The following MVB12B variants were observed in gnomAD, a reference collection of about 807,000 sequenced individuals.
The protein encoded by MVB12B is multivesicular body subunit 12B.
MVB12B carries 16 observed loss-of-function variants against 41.6 expected under a neutral mutation model. That is an observed-to-expected ratio of 0.38 (90% CI 0.26 to 0.58). MVB12B has a LOEUF of 0.58. Among genes scored for constraint, MVB12B ranks in the 20% least tolerant of loss-of-function variants. The pLI, the probability that MVB12B is intolerant of heterozygous loss-of-function variation, is 0.62. For synonymous variants in MVB12B, 133 were observed against 139.7 expected (o/e 0.95, Z 0.34); for missense variants, 274 against 380.2 (o/e 0.72, Z 2.32).
chr9:126,440,600 A>G (rs959967269), intron 7 of MVB12B, among the ~76,000 whole-genome samples: 1 of 152,204 alleles, frequency 6.6e-6, no homozygotes, highest in Non-Finnish European at 1.5e-5. Flanking sequence ...CACACGCGTG[A>G]AACAGTTGTT....
At position 126,433,504 on chromosome 9, in the gene MVB12B, A is replaced by T. The variant is rs114330146; in HGVS notation, c.757+11556A>T. On this transcript the variant is annotated intron_variant, in intron 7 of 9. Transcript: ENST00000361171. ...GCAGCCCAAGCCCATCGTTTCACTT[A>T]TTGGGTCTGACCCCCAAGTGTTCTT... 3.9e-3 allele frequency among the ~76,000 whole-genome samples: 598 copies of T among 152,080 alleles called. 5 individuals carry two copies. The highest frequency in any genetic ancestry group is 0.014 in the African/African-American group (572 of 41,484).
chr9:126,476,444 C>T (rs1833421429), intron 7 of MVB12B, among the ~76,000 whole-genome samples: 1 of 152,232 alleles, frequency 6.6e-6, no homozygotes, highest in South Asian at 2.1e-4. Flanking sequence ...GTGGGGTGAG[C>T]ACCCTGCCCG....
chr9:126,346,445 G>T (rs934319689), intron 2 of MVB12B, among the ~76,000 whole-genome samples: 4 of 152,144 alleles, frequency 2.6e-5, no homozygotes, highest in Non-Finnish European at 5.9e-5. Flanking sequence ...GTAGATGCTG[G>T]GGTTCTCTGC....
chr9:126,406,567 C>A (rs770049432), intron 6 of MVB12B, among the ~76,000 whole-genome samples: 14 of 152,284 alleles, frequency 9.2e-5, no homozygotes, highest in South Asian at 4.1e-4. Context: ...GCTAGCAGTG[C>A]CCATATGTTC....
intron 2 of MVB12B, among the ~76,000 whole-genome samples, chr9:126,355,770 T>A (rs1005027744): frequency 1.3e-5 from 2 of 152,240 alleles, no homozygotes. Flanking sequence ...GTTAGCAAAT[T>A]GTTGATTTTC....
intron 2 of MVB12B, among the ~76,000 whole-genome samples, chr9:126,371,342 C>T (rs914016076): frequency 3.9e-5 from 6 of 152,246 alleles, no homozygotes; most frequent in Admixed American, 6.5e-5. Flanking sequence ...GTACCTGCTG[C>T]GATGCGGCCA....
chr9:126,377,031 C>T (rs1394434142), intron 2 of MVB12B, among the ~76,000 whole-genome samples: 1 of 151,826 alleles, frequency 6.6e-6, no homozygotes, highest in African/African-American at 2.4e-5. Context: ...AAATCCCTTG[C>T]CCTCCGCCTT....
intron 6 of MVB12B, among the ~76,000 whole-genome samples, chr9:126,405,406 A>G (rs1831390317): frequency 6.6e-6 from 1 of 152,146 alleles, no homozygotes; most frequent in African/African-American, 2.4e-5. Flanking sequence ...TCTGTGTGTC[A>G]GAACAGATTT....
chr9:126,449,526 ATT>A (rs1465168652), intron 7 of MVB12B, among the ~76,000 whole-genome samples: 8 of 152,222 alleles, frequency 5.3e-5, no homozygotes, highest in African/African-American at 1.7e-4. Context: ...GCAGAGAGTC[ATT>A]CTTCATGGTT....
intron 7 of MVB12B, among the ~76,000 whole-genome samples, chr9:126,474,445 G>T (rs1564344258): frequency 6.6e-6 from 1 of 152,192 alleles, no homozygotes; most frequent in Non-Finnish European, 1.5e-5. Context: ...TAAGAATTAT[G>T]TTTTGCAAAC....
intron 7 of MVB12B, among the ~76,000 whole-genome samples, chr9:126,458,094 G>T (rs946661932): frequency 5.9e-5 from 9 of 152,142 alleles, no homozygotes; most frequent in Non-Finnish European, 8.8e-5. Context: ...ACTTTTGATT[G>T]TCAGGTCCCT....
At chr9:126,370,631 C>T (rs972323639) in intron 2 of MVB12B, among the ~76,000 whole-genome samples, 11 of 152,248 alleles carry the variant, frequency 7.2e-5, no homozygotes, top group Non-Finnish European at 1.5e-4. Flanking sequence ...ATCCACCCAC[C>T]TCGACCTCCC....
intron 3 of MVB12B, among the ~76,000 whole-genome samples, chr9:126,383,430 GTAA>G (rs1830687953): frequency 6.6e-6 from 1 of 152,142 alleles, no homozygotes; most frequent in African/African-American, 2.4e-5. Context: ...TGCATTACCT[GTAA>G]TAATAATGTA....
rs148568071 is a variant in MVB12B at position 126,398,310 on chromosome 9, C to T, written c.662+2613C>T. On this transcript the variant is annotated intron_variant, in intron 6 of 9. Coordinates refer to ENST00000361171, the MANE Select transcript of MVB12B (RefSeq NM_033446.3). The stretch of plus-strand genomic sequence containing the variant: ...GAATCCAGGCACGAATTCAGTTTCA[C>T]CATAAATGCGTCCCTGGCAACCCCT... 2.4e-4 allele frequency among the ~76,000 whole-genome samples: 36 copies of T among 152,146 alleles called. No homozygotes were observed. The East Asian group carries it at 6.4e-3, about 27-fold the overall frequency.
At chr9:126,359,220 T>C (rs889447923) in intron 2 of MVB12B, among the ~76,000 whole-genome samples, 2 of 152,170 alleles carry the variant, frequency 1.3e-5, no homozygotes, top group Admixed American at 6.5e-5. Flanking sequence ...TGATTGATTT[T>C]TGAGTGTTAA....
intron 6 of MVB12B, among the ~76,000 whole-genome samples, chr9:126,402,903 G>C (rs4837076): frequency 6.6e-6 from 1 of 152,094 alleles, no homozygotes; most frequent in Middle Eastern, 3.2e-3. Flanking sequence ...GAGCACGGAC[G>C]TCAGCACGGG....
chr9:126,472,580 C>G (rs1245759660), intron 7 of MVB12B, among the ~76,000 whole-genome samples: 1 of 151,972 alleles, frequency 6.6e-6, no homozygotes, highest in Non-Finnish European at 1.5e-5. Flanking sequence ...AATCTGTAAG[C>G]ATTCACAATC....
At chr9:126,379,838 TC>T (rs1316679610) in intron 2 of MVB12B, among the ~76,000 whole-genome samples, 12 of 152,184 alleles carry the variant, frequency 7.9e-5, no homozygotes, top group Admixed American at 2.6e-4. Context: ...GCAGAGGCCA[TC>T]CATGTGCTGT....
intron 7 of MVB12B, among the ~76,000 whole-genome samples, chr9:126,450,988 T>C (rs1832877627): frequency 1.3e-5 from 2 of 152,194 alleles, no homozygotes; most frequent in East Asian, 1.9e-4. Flanking sequence ...CGGCACTGTT[T>C]GGCCTTTCTC....
Sources: gnomAD v4.1 joint callset for allele counts (sites outside exome capture counted in the v4.1 genomes callset) on GRCh38, gnomAD v4.1.1 for gene constraint, MANE v1.5 for transcripts, NCBI Gene and HGNC (gene_info 2026-07-23, HGNC 2026-07-21) for gene names.